Variants in KAZN observed in about 807,000 individuals in gnomAD.
The protein encoded by KAZN is kazrin, periplakin interacting protein, also known as kazrin.
In KAZN, 40 loss-of-function variants were observed where a neutral mutation model predicts 87.4. The ratio of observed to expected loss-of-function variants is 0.46; its 90% CI spans 0.36 to 0.60. KAZN has a LOEUF of 0.60. Ranked by LOEUF, KAZN falls within the 20% of genes least tolerant of loss-of-function variation. The pLI is 0.00. For missense variants in KAZN, 898 were observed against 1,073.9 expected (o/e 0.84, Z 2.29); for synonymous variants, 466 against 458.3 (o/e 1.02, Z -0.22).
rs145378680 is a variant in KAZN at position 14,140,085 on chromosome 1, G to A, written c.92-40350G>A. Reference sequence around the variant, plus strand: ...AAAAATGAGTCTGGCTCTAGGAACTGTAGAGAGGCAGGTGTCAAACCCAAC... The same window carrying A: ...AAAAATGAGTCTGGCTCTAGGAACTATAGAGAGGCAGGTGTCAAACCCAAC... On this transcript the variant is annotated intron_variant, in intron 1 of 16. Transcript: ENST00000636203. Among the ~76,000 whole-genome samples the A allele has an allele frequency of 4.0e-3, 603 of 152,156 alleles. 3 individuals carry two copies. Among genetic ancestry groups the A allele is most frequent in the African/African-American group, 0.014 (567 of 41,522 alleles).
intron 1 of KAZN, among the ~76,000 whole-genome samples, chr1:14,100,377 C>T (rs1314803029): frequency 6.6e-6 from 1 of 152,168 alleles, no homozygotes; most frequent in Non-Finnish European, 1.5e-5. Context: ...CAGTGGTTTC[C>T]AGGTGGACTT....
In KAZN at chr1:15,002,702, G is replaced by T. The variant is rs184756437; in HGVS notation, c.419-32047G>T. Among the ~76,000 whole-genome samples the T allele has an allele frequency of 3.8e-4, 57 of 151,820 alleles. 1 individual carries two copies. Among genetic ancestry groups the T allele is most frequent in the East Asian group, 1.4e-3 (7 of 5,108 alleles). ...CAAAAAAACACACACACGGCTGGGC[G>T]TGGTAGCTCACACCTGTAATCCCAG... On this transcript the variant is annotated intron_variant, in intron 2 of 14. Transcript: ENST00000376030.
intron 1 of KAZN, among the ~76,000 whole-genome samples, chr1:14,624,998 G>C (rs188079213): frequency 8.5e-5 from 13 of 152,140 alleles, no homozygotes; most frequent in Admixed American, 3.9e-4. Flanking sequence ...TTAAAATTAA[G>C]TATCCCAGAT....
intron 2 of KAZN, among the ~76,000 whole-genome samples, chr1:14,450,233 C>T (rs1667197442): frequency 1.3e-5 from 2 of 152,094 alleles, no homozygotes; most frequent in Non-Finnish European, 2.9e-5. Context: ...TCTGAGCTTC[C>T]AAATGATTTG....
At chr1:14,863,781 G>A (rs1047495209) in intron 1 of KAZN, among the ~76,000 whole-genome samples, 5 of 152,150 alleles carry the variant, frequency 3.3e-5, no homozygotes, top group Non-Finnish European at 7.3e-5. Context: ...GGATCAGCTT[G>A]AACTGGTCCT....
At chr1:15,078,281 T>C (rs374555460) in intron 8 of KAZN, among the ~76,000 whole-genome samples, 21 of 152,170 alleles carry the variant, frequency 1.4e-4, no homozygotes, top group African/African-American at 5.1e-4. Context: ...GGTGCGTGCC[T>C]GTAATCACAG....
At chr1:13,901,376 TA>T (rs1284030539) in intron 1 of KAZN, among the ~76,000 whole-genome samples, 2 of 152,212 alleles carry the variant, frequency 1.3e-5, no homozygotes, top group Non-Finnish European at 2.9e-5. Flanking sequence ...GGAAGCAGTT[TA>T]AGGTTAAAAA....
In KAZN at chr1:14,328,748, G is replaced by GA. The variant is rs3084955; in HGVS notation, c.249+148179dup. Among the ~76,000 whole-genome samples the GA allele has an allele frequency of 1.5e-3, 83 of 55,914 alleles. 1 individual carries two copies. Among genetic ancestry groups the GA allele is most frequent in the East Asian group, 3.2e-3 (4 of 1,256 alleles). 36.7% of individuals were successfully genotyped at this position (55,914 alleles called of 152,430 possible). A position where few individuals can be genotyped will look rare whatever the true frequency, so the allele number is the denominator to read the frequency against. Reference sequence around the variant, plus strand: ...AATACTTAAGAAGACATCCCTAACTGAAAAAAAAAAAAAAAAAAAAAAAGC... The same window carrying GA: ...AATACTTAAGAAGACATCCCTAACTGAAAAAAAAAAAAAAAAAAAAAAAAGC... On this transcript the variant is annotated intron_variant, in intron 2 of 16. Transcript: ENST00000636203.
intron 2 of KAZN, among the ~76,000 whole-genome samples, chr1:15,006,965 G>T (rs1669073049): frequency 6.8e-6 from 1 of 148,102 alleles, no homozygotes; most frequent in Admixed American, 6.8e-5. Flanking sequence ...GCTGAGGCAG[G>T]AGAATAGTGT....
chr1:13,896,211 G>A (rs1208314499), intron 1 of KAZN, among the ~76,000 whole-genome samples: 1 of 152,180 alleles, frequency 6.6e-6, no homozygotes, highest in African/African-American at 2.4e-5. Context: ...TAGTCTACAA[G>A]TTTTCGCTCA....
chr1:15,113,540 G>A (rs537186956), intron 14 of KAZN: 1 of 152,324 alleles, frequency 6.6e-6, no homozygotes, highest in South Asian at 2.1e-4. Flanking sequence ...ACACAGAGAT[G>A]TGTGCAGTAA....
chr1:14,105,384 G>A (rs1644346020), intron 1 of KAZN, among the ~76,000 whole-genome samples: 1 of 152,170 alleles, frequency 6.6e-6, no homozygotes, highest in South Asian at 2.1e-4. Flanking sequence ...AATACAGAAA[G>A]AACAGCACAT....
intron 1 of KAZN, among the ~76,000 whole-genome samples, chr1:14,132,403 C>G (rs912425221): frequency 2.0e-5 from 3 of 152,142 alleles, no homozygotes; most frequent in Non-Finnish European, 4.4e-5. Flanking sequence ...TCAGCAGAAA[C>G]CACAGGTGGG....
rs1276788471 is a variant in KAZN at position 14,034,282 on chromosome 1, TAGC to T, written c.91+140527_91+140529del. Among the ~76,000 whole-genome samples, 1,492 of 152,238 alleles carry T rather than the reference TAGC, an allele frequency of 9.8e-3. 29 individuals are homozygous for T. Among genetic ancestry groups the T allele is most frequent in the African/African-American group, 0.034 (1,430 of 41,522 alleles). ...GAGGATACAAGCTGGTGTTTCCTTT[TAGC>T]TGTTTTTTTTTTCTGTGCCTTTGCA... On this transcript the variant is annotated intron_variant, in intron 1 of 16. Transcript: ENST00000636203.
At chr1:14,144,743 T>A (rs1260559403) in intron 1 of KAZN, among the ~76,000 whole-genome samples, 1 of 152,082 alleles carries the variant, frequency 6.6e-6, no homozygotes, top group Non-Finnish European at 1.5e-5. Flanking sequence ...TAACTCACAG[T>A]AGAAAGTGGA....
chr1:14,199,031 C>T (rs1050593260), intron 2 of KAZN, among the ~76,000 whole-genome samples: 1 of 152,048 alleles, frequency 6.6e-6, no homozygotes, highest in African/African-American at 2.4e-5. Flanking sequence ...AGTCTGGAAG[C>T]AGATGTGACA....
chr1:14,968,767 T>C (rs570156219), intron 2 of KAZN, among the ~76,000 whole-genome samples: 2 of 152,286 alleles, frequency 1.3e-5, no homozygotes, highest in Admixed American at 6.5e-5. Flanking sequence ...TGCCTTACAC[T>C]GAAAGAAACA....
Position 14,103,311 on chromosome 1 carries a change from G to A in KAZN, c.92-77124G>A, listed in dbSNP as rs115534447. Among the ~76,000 whole-genome samples, 479 of 152,238 alleles carry A rather than the reference G, an allele frequency of 3.1e-3. 5 individuals are homozygous for A. Among genetic ancestry groups the A allele is most frequent in the Non-Finnish European group, 4.9e-3 (332 of 68,026 alleles). ...TATCTCTTCTTGAAATACATATCTC[G>A]AAATACAGTCGCATGTTGAGGCACT... On this transcript the variant is annotated intron_variant, in intron 1 of 16. Coordinates refer to the KAZN transcript ENST00000636203.
chr1:14,355,981 T>C (rs572714179), intron 2 of KAZN, among the ~76,000 whole-genome samples: 2 of 152,332 alleles, frequency 1.3e-5, no homozygotes, highest in African/African-American at 4.8e-5. Flanking sequence ...GTATTTCTGG[T>C]TCTAGATCCT....
Sources: gnomAD v4.1 joint callset for allele counts (sites outside exome capture counted in the v4.1 genomes callset) on GRCh38, gnomAD v4.1.1 for gene constraint, MANE v1.5 for transcripts, NCBI Gene and HGNC (gene_info 2026-07-23, HGNC 2026-07-21) for gene names.